The following PLCE1 variants were observed in gnomAD, a reference collection of about 807,000 sequenced individuals.
PLCE1 encodes 1-phosphatidylinositol 4,5-bisphosphate phosphodiesterase epsilon-1.
Under a neutral mutation model 242.8 loss-of-function variants are expected in PLCE1, and 119 were observed. The observed-to-expected ratio is 0.49, with a 90% confidence interval of 0.42 to 0.57. PLCE1 has a LOEUF of 0.57. Ranked by LOEUF, PLCE1 falls within the 20% of genes least tolerant of loss-of-function variation. The probability of loss-of-function intolerance (pLI) is 0.00; values close to 1 mark genes in which losing one functional copy is unlikely to be tolerated. For synonymous variants in PLCE1, 945 were observed against 1,017.4 expected (o/e 0.93, Z 1.35); for missense variants, 2,441 against 2,788.8 (o/e 0.88, Z 2.81).
chr10:93,995,947 T>A (rs562973929), intron 1 of PLCE1, among the ~76,000 whole-genome samples: 14 of 152,376 alleles, frequency 9.2e-5, no homozygotes, highest in Middle Eastern at 3.4e-3. Context: ...TTGTATACTT[T>A]AAAAAAACTG....
intron 3 of PLCE1, among the ~76,000 whole-genome samples, chr10:94,165,792 C>G (rs1243086581): frequency 2.6e-5 from 4 of 152,004 alleles, no homozygotes; most frequent in African/African-American, 9.7e-5. Flanking sequence ...ATTGCAACCT[C>G]CGCCTCCTGG....
chr10:94,316,652 T>A lies in PLCE1; in HGVS notation c.6238T>A (p.Phe2080Ile). ...AAAGAATGAATGTAGGAAACAACCA[T>A]TCCAGAGAGCCATTGGTCCAGAAGA... ...KEKNECRKQPFQRAIGPEEEI... is the reference protein window; with the variant it reads ...KEKNECRKQPIQRAIGPEEEI... The change falls in exon 29 of 33, where the codon TTC becomes ATC. Residue 2080 changes from phenylalanine to isoleucine, a missense_variant. Transcript: ENST00000371380. The A allele has an allele frequency of 6.2e-7, 1 of 1,613,068 alleles. No homozygotes were observed. Among genetic ancestry groups the A allele is most frequent in the Non-Finnish European group, 8.5e-7 (1 of 1,179,006 alleles).
At position 94,242,545 on chromosome 10, in the gene PLCE1, A is replaced by G. The variant is rs192796809; in HGVS notation, c.2421-3401A>G. 4.0e-3 allele frequency among the ~76,000 whole-genome samples: 611 copies of G among 152,262 alleles called. 5 individuals are homozygous for G. Among genetic ancestry groups the G allele is most frequent in the African/African-American group, 0.013 (558 of 41,556 alleles). Reference sequence around the variant, plus strand: ...AGGCTGGTCTTGAACTCCTGGCCTCAAGAGATTCACCTGTCTTGGTCTCCC... The same window carrying G: ...AGGCTGGTCTTGAACTCCTGGCCTCGAGAGATTCACCTGTCTTGGTCTCCC... On this transcript the variant is annotated intron_variant, in intron 7 of 32. Transcript: ENST00000371380.
chr10:94,313,396 G>A lies in PLCE1; in HGVS notation c.6132+14G>A. On this transcript the variant is annotated intron_variant, in intron 28 of 32. Transcript: ENST00000371380. ...CTTCTGCAGCAAGTAAGTCCACTGA[G>A]CCGTGGTTGGGAGAATCCAAAATCT... The A allele has an allele frequency of 6.2e-7, 1 of 1,614,130 alleles. No homozygotes were observed. The highest frequency in any genetic ancestry group is 8.5e-7 in the Non-Finnish European group (1 of 1,179,990).
chr10:94,015,954 AAAAT>A (rs1162184004), intron 1 of PLCE1, among the ~76,000 whole-genome samples: 1 of 152,214 alleles, frequency 6.6e-6, no homozygotes, highest in Non-Finnish European at 1.5e-5. Context: ...GTGGGTGTTA[AAAAT>A]TATTTGTTGA....
At position 94,298,185 on chromosome 10, in the gene PLCE1, A is replaced by G. The variant is rs1006557871; in HGVS notation, c.5168-194A>G. Among the ~76,000 whole-genome samples the G allele has an allele frequency of 2.0e-5, 3 of 152,110 alleles. No homozygotes were observed. The highest frequency in any genetic ancestry group is 4.4e-5 in the Non-Finnish European group (3 of 68,008). On this transcript the variant is annotated intron_variant, in intron 23 of 32. Transcript: ENST00000371380. The surrounding 1 kb of genome is among the most constrained non-coding windows in gnomAD (Gnocchi z 5.2). ...TAGGAATGAGCCACCACACCCAGCC[A>G]CCACACTCATTTTAAAACTAAGTAG... is the stretch of plus-strand genomic sequence containing the variant.
Position 94,298,392 on chromosome 10 carries a change from C to T in PLCE1, c.5181C>T (p.Gly1727=). The stretch of plus-strand genomic sequence containing the variant: ...TGGGGGGTTTAGGTTCCTGTGAAGG[C>T]ATTCGACAGACCTGGGAGGAATCTT... ...NKTSGKSSCE[G]IRQTWEESSS... is the part of the protein sequence containing the mutation. Residue 1727 remains glycine (G), a synonymous_variant, in exon 24 of 33, where the codon GGC becomes GGT. Coordinates refer to ENST00000371380, the MANE Select transcript of PLCE1 (RefSeq NM_016341.4). The surrounding 1 kb of genome is among the most constrained non-coding windows in gnomAD (Gnocchi z 5.2). 3 of 1,614,068 alleles carry T rather than the reference C, an allele frequency of 1.9e-6. No homozygotes were observed. The highest frequency in any genetic ancestry group is 2.2e-5 in the East Asian group (1 of 44,886).
At chr10:94,158,716 GA>G (rs963533172) in intron 3 of PLCE1, among the ~76,000 whole-genome samples, 1 of 151,496 alleles carries the variant, frequency 6.6e-6, no homozygotes. Context: ...TTTTAAGTTA[GA>G]AAAAAATGTG....
At chr10:94,070,683 C>T (rs1564662118) in intron 2 of PLCE1, among the ~76,000 whole-genome samples, 1 of 152,216 alleles carries the variant, frequency 6.6e-6, no homozygotes, top group South Asian at 2.1e-4. Context: ...TGCCTCTATA[C>T]ATTGAACACT....
intron 17 of PLCE1, among the ~76,000 whole-genome samples, chr10:94,270,060 A>G (rs2051671613): frequency 1.3e-5 from 2 of 152,226 alleles, no homozygotes; most frequent in African/African-American, 4.8e-5. Flanking sequence ...TGAGTTGATA[A>G]CTGTGTTTAC....
intron 2 of PLCE1, chr10:94,089,230 C>A (rs745570328): frequency 3.1e-6 from 5 of 1,613,914 alleles, no homozygotes; most frequent in Non-Finnish European, 3.4e-6. Flanking sequence ...AGGCAGAGAG[C>A]CCCAGGAGAG....
chr10:94,313,947 T>C (rs975080871), intron 28 of PLCE1, among the ~76,000 whole-genome samples: 5 of 152,148 alleles, frequency 3.3e-5, no homozygotes, highest in East Asian at 1.9e-4. Context: ...ACCTTGGCAT[T>C]TGAGGTCCTC....
chr10:94,125,782 A>G (rs2046420441), intron 2 of PLCE1, among the ~76,000 whole-genome samples: 1 of 152,196 alleles, frequency 6.6e-6, no homozygotes, highest in African/African-American at 2.4e-5. Context: ...AGTGATCTCA[A>G]AAAGATAGCT....
At chr10:94,078,784 G>A (rs1303548829) in intron 2 of PLCE1, among the ~76,000 whole-genome samples, 1 of 152,180 alleles carries the variant, frequency 6.6e-6, no homozygotes, top group Non-Finnish European at 1.5e-5. Context: ...TGTGTGGCCT[G>A]CTCATTCTTT....
At chr10:94,206,712 A>G (rs776879863) in intron 4 of PLCE1, among the ~76,000 whole-genome samples, 2 of 152,200 alleles carry the variant, frequency 1.3e-5, no homozygotes, top group African/African-American at 2.4e-5. Flanking sequence ...GGGTTGGAAC[A>G]GGCCAGTGGT....
intron 2 of PLCE1, among the ~76,000 whole-genome samples, chr10:94,087,153 G>C (rs1431190647): frequency 1.3e-5 from 2 of 152,070 alleles, no homozygotes; most frequent in African/African-American, 4.8e-5. Flanking sequence ...TTCGAGACCA[G>C]CCTGGGAAAC....
chr10:94,043,278 C>T (rs183379870), intron 2 of PLCE1, among the ~76,000 whole-genome samples: 1 of 152,266 alleles, frequency 6.6e-6, no homozygotes, highest in African/African-American at 2.4e-5. Flanking sequence ...ATGCTGCAAG[C>T]GCAGTCGAAC....
chr10:94,180,360 A>G (rs1274843648), intron 4 of PLCE1, among the ~76,000 whole-genome samples: 1 of 152,150 alleles, frequency 6.6e-6, no homozygotes, highest in African/African-American at 2.4e-5. Context: ...CCCTTGAAAT[A>G]GGGAGGACAA....
chr10:94,088,663 G>A (rs552327242), intron 2 of PLCE1, among the ~76,000 whole-genome samples: 2 of 152,280 alleles, frequency 1.3e-5, no homozygotes, highest in East Asian at 3.9e-4. Flanking sequence ...CTGCTATTCT[G>A]CAGCATGGCA....
Sources: gnomAD v4.1 joint callset for allele counts (sites outside exome capture counted in the v4.1 genomes callset) on GRCh38, gnomAD v4.1.1 for gene constraint, Gnocchi (gnomAD v3.1) non-coding constraint, MANE v1.5 for transcripts, NCBI Gene and HGNC (gene_info 2026-07-23, HGNC 2026-07-21) for gene names.